The following AK4 variants were observed in gnomAD, a reference collection of about 807,000 sequenced individuals.
AK4 encodes adenylate kinase 4, mitochondrial.
Under a neutral mutation model 24.6 loss-of-function variants are expected in AK4, and 13 were observed. The observed-to-expected ratio is 0.53, with a 90% confidence interval of 0.34 to 0.84. The LOEUF is 0.84. Ranked by LOEUF, AK4 falls within the 40% of genes least tolerant of loss-of-function variation. The pLI is 0.01. For synonymous variants in AK4, 88 were observed against 107.0 expected, an observed-to-expected ratio of 0.82 and a Z score of 1.10; for missense variants, 192 against 288.2, an observed-to-expected ratio of 0.67 and a Z score of 2.42.
intron 2 of AK4, among the ~76,000 whole-genome samples, chr1:65,207,886 C>T (rs531022327): frequency 2.0e-5 from 3 of 152,250 alleles, no homozygotes; most frequent in Non-Finnish European, 2.9e-5. Flanking sequence ...ATTCTTATTA[C>T]GGCTGCATAG....
chr1:65,166,644 T>A (rs1650339775), intron 1 of AK4, among the ~76,000 whole-genome samples: 1 of 152,134 alleles, frequency 6.6e-6, no homozygotes, highest in Admixed American at 6.6e-5. Flanking sequence ...CACCTCCGTT[T>A]CCCATGTAGC....
chr1:65,189,712 T>C (rs1340426498), intron 1 of AK4, among the ~76,000 whole-genome samples: 1 of 152,156 alleles, frequency 6.6e-6, no homozygotes. Flanking sequence ...TGTACAGATT[T>C]AAACTGATAG....
intron 1 of AK4, among the ~76,000 whole-genome samples, chr1:65,186,439 T>C (rs1651103257): frequency 6.6e-6 from 1 of 152,160 alleles, no homozygotes; most frequent in African/African-American, 2.4e-5. Flanking sequence ...ATGCAACACA[T>C]TTTTATGGGT....
intron 2 of AK4, among the ~76,000 whole-genome samples, chr1:65,215,176 C>CTTTTTTTTTT (rs1553127383): frequency 1.7e-5 from 2 of 114,634 alleles, no homozygotes; most frequent in African/African-American, 2.8e-5. Flanking sequence ...TTCTTTCTTT[C>CTTTTTTTTTT]TTTTTTTTTT....
rs1570137513 is a variant in AK4 at position 65,214,719 on chromosome 1, A to C, written c.266-4035A>C. On this transcript the variant is annotated intron_variant, in intron 2 of 4. Coordinates refer to ENST00000327299, the MANE Select transcript of AK4 (RefSeq NM_013410.4). ...GACTTATTTCTGGTCCATTGTTCTT[A>C]CTAATATACCATGCTTGCCTCCCCT... Among the ~76,000 whole-genome samples, 4 of 152,274 alleles carry C rather than the reference A, an allele frequency of 2.6e-5. No individual in the cohort carries two copies. The South Asian group carries it at 8.3e-4, about 32-fold the overall frequency.
At chr1:65,148,746 G>T (rs1238174479) in intron 1 of AK4, among the ~76,000 whole-genome samples, 194 bp downstream of exon 1, 1 of 152,126 alleles carries the variant, frequency 6.6e-6, no homozygotes, top group Non-Finnish European at 1.5e-5. Flanking sequence ...CGAGGCTCCA[G>T]GGGCGGCCGG....
At chr1:65,152,888 A>G (rs1232867214) in intron 1 of AK4, among the ~76,000 whole-genome samples, 1 of 152,220 alleles carries the variant, frequency 6.6e-6, no homozygotes, top group Non-Finnish European at 1.5e-5. Context: ...GAACTGGAAG[A>G]TAGAAACATT....
Position 65,231,946 on chromosome 1 carries a change from G to A in AK4, c.*5769G>A, listed in dbSNP as rs1194625947. 1 of 152,168 alleles carries A rather than the reference G, an allele frequency of 6.6e-6. No individual in the cohort carries two copies. Among genetic ancestry groups the A allele is most frequent in the Non-Finnish European group, 1.5e-5 (1 of 68,050 alleles). The allele number at this position is 152,168 out of a possible 1,614,324, so 9.4% of individuals were successfully genotyped here. A position where few individuals can be genotyped will look rare whatever the true frequency, so the allele number is the denominator to read the frequency against. ...GAAGTCGTGTGTTTATGATGAGTCA[G>A]AGTGCTTTTCCTCGGTGGGACAGTT... On this transcript the variant is annotated 3_prime_UTR_variant, in exon 5 of 5. Transcript: ENST00000327299.
In AK4 at chr1:65,219,032, T is replaced by G. The variant is rs1332889468; in HGVS notation, c.438+106T>G. ...AGTAGACCATTCAAAAAAGAACAAA[T>G]CTACATGACCAAAAAACATTTTTTA... On this transcript the variant is annotated intron_variant, in intron 3 of 4. Transcript: ENST00000327299. The G allele has an allele frequency of 1.4e-5, 11 of 790,378 alleles. No homozygotes were observed. In the Admixed American group the frequency reaches 2.4e-4, roughly 17 times the overall value. The allele number at this position is 790,378 out of a possible 1,614,324, so 49.0% of individuals were successfully genotyped here.
At chr1:65,197,928 AT>A (rs1168749671) in intron 2 of AK4, among the ~76,000 whole-genome samples, 1 of 151,896 alleles carries the variant, frequency 6.6e-6, no homozygotes, top group Non-Finnish European at 1.5e-5. Flanking sequence ...GCCAAGGGTA[AT>A]TTTTTTTCTT....
intron 1 of AK4, among the ~76,000 whole-genome samples, chr1:65,164,468 A>G (rs991126428): frequency 6.6e-6 from 1 of 152,156 alleles, no homozygotes. Flanking sequence ...TATTGAGTAT[A>G]AAGTGGTGTT....
intron 1 of AK4, among the ~76,000 whole-genome samples, chr1:65,158,655 C>T (rs1650054047): frequency 6.6e-6 from 1 of 152,072 alleles, no homozygotes; most frequent in African/African-American, 2.4e-5. Context: ...CTCCTGCCAC[C>T]ATGACCTGCT....
In AK4 at chr1:65,193,937, C is replaced by A. The variant is rs557609362; in HGVS notation, c.265+3108C>A. On this transcript the variant is annotated intron_variant, in intron 2 of 4. Transcript: ENST00000327299. ...GCAACATTGCAAAACCTCATCTCGA[C>A]AAAAATTAGCCGGGTGTGGTGGCAT... 2.6e-5 allele frequency among the ~76,000 whole-genome samples: 4 copies of A among 152,256 alleles called. No homozygotes were observed. The East Asian group carries it at 7.7e-4, about 29-fold the overall frequency.
intron 1 of AK4, among the ~76,000 whole-genome samples, chr1:65,158,347 A>T (rs920550495): frequency 6.6e-6 from 1 of 152,180 alleles, no homozygotes; most frequent in Non-Finnish European, 1.5e-5. Flanking sequence ...GTTAAATGGT[A>T]TTATATTATG....
intron 1 of AK4, among the ~76,000 whole-genome samples, chr1:65,188,767 C>T (rs1019430620): frequency 4.7e-5 from 7 of 150,524 alleles, no homozygotes; most frequent in African/African-American, 4.9e-5. Flanking sequence ...CGTGAGCCAC[C>T]GCGCCTGACC....
intron 2 of AK4, among the ~76,000 whole-genome samples, chr1:65,213,716 C>T (rs988116101): frequency 1.3e-5 from 2 of 152,126 alleles, no homozygotes; most frequent in Non-Finnish European, 2.9e-5. Context: ...TAGGCATTAC[C>T]CTTTGTCATG....
chr1:65,226,130 C>G lies in AK4; in HGVS notation c.625C>G (p.Leu209Val). ...CAAAATCTGGCCCTACGTTTACACA[C>G]TTTTCTCAAACAAGATCACACCTAT... ...TNKIWPYVYT[L>V]FSNKITPIQS... is the part of the protein sequence containing the mutation. The change falls in exon 5 of 5, where the codon CTT (leucine) becomes GTT (valine). Residue 209 changes from leucine (L) to valine (V), a missense_variant. Physicochemically the swap from Leu to Val is conservative, Grantham distance 32 (BLOSUM62 1). Coordinates refer to ENST00000327299, the MANE Select transcript of AK4 (RefSeq NM_013410.4). 1 of 1,611,046 alleles carries G rather than the reference C, an allele frequency of 6.2e-7. No individual in the cohort carries two copies. The highest frequency in any genetic ancestry group is 1.1e-5 in the South Asian group (1 of 90,716).
rs1341679451 is a variant in AK4, at chr1:65,227,346, G to A, written c.*1169G>A. On this transcript the variant is annotated 3_prime_UTR_variant, in exon 5 of 5. Coordinates refer to ENST00000327299, the MANE Select transcript of AK4 (RefSeq NM_013410.4). Reference sequence around the variant, plus strand: ...GTTGTACTAGCTGTGCCTGGACTGAGTATAACAGCTTTATGATTATGAGAA... The same window carrying A: ...GTTGTACTAGCTGTGCCTGGACTGAATATAACAGCTTTATGATTATGAGAA... 1.3e-5 allele frequency: 2 copies of A among 151,640 alleles called. No homozygotes were observed. The highest frequency in any genetic ancestry group is 2.4e-5 in the African/African-American group (1 of 41,098). The allele number at this position is 151,640 out of a possible 1,614,324, so 9.4% of individuals were successfully genotyped here.
intron 4 of AK4, among the ~76,000 whole-genome samples, chr1:65,225,328 G>A (rs974270148): frequency 5.3e-5 from 8 of 152,118 alleles, no homozygotes; most frequent in East Asian, 1.9e-4. Flanking sequence ...ATGGCTGCAG[G>A]GGCTAGGGCA....
Sources: gnomAD v4.1 joint callset for allele counts (sites outside exome capture counted in the v4.1 genomes callset) on GRCh38, gnomAD v4.1.1 for gene constraint, MANE v1.5 for transcripts, NCBI Gene and HGNC (gene_info 2026-07-23, HGNC 2026-07-21) for gene names.